ERLIN2: variants seen among roughly 807,000 people sequenced by gnomAD.
The protein encoded by ERLIN2 is ER lipid raft associated 2.
A neutral mutation model predicts 41.5 loss-of-function variants in ERLIN2; 22 were observed. The observed-to-expected ratio is 0.53, with a 90% CI of 0.38 to 0.76. The LOEUF (loss-of-function observed/expected upper bound fraction) is 0.76. Ranked by LOEUF, ERLIN2 falls within the 30% of genes least tolerant of loss-of-function variation. The probability of loss-of-function intolerance (pLI) is 0.00; values close to 1 mark genes in which losing one functional copy is unlikely to be tolerated. For missense variants in ERLIN2, 247 were observed against 414.3 expected (o/e 0.60, Z 3.51); for synonymous variants, 149 against 150.9 (o/e 0.99, Z 0.09).
rs966364485 is a variant in ERLIN2, at chr8:37,754,126, A to G, written c.*11A>G. On this transcript the variant is annotated 3_prime_UTR_variant, in exon 12 of 12. Coordinates refer to ENST00000519638, the MANE Select transcript of ERLIN2 (RefSeq NM_007175.8). ...ACTAAGGAGAATTGAAAAAAACTTG[A>G]TATGACTGCAAATGATACTTAAGCA... 6.3e-7 allele frequency: 1 copy of G among 1,577,116 alleles called. No individual in the cohort carries two copies. The highest frequency in any genetic ancestry group is 8.7e-7 in the Non-Finnish European group (1 of 1,146,528).
chr8:37,739,699 T>C (rs929702227), intron 2 of ERLIN2, among the ~76,000 whole-genome samples: 1 of 152,142 alleles, frequency 6.6e-6, no homozygotes, highest in Admixed American at 6.5e-5. Flanking sequence ...GGTCTTGAAC[T>C]CCTGACCTAA....
rs548026224 is a variant in ERLIN2 at position 37,745,478 on chromosome 8, T to C, written c.424+782T>C. ...TTATAACTTGTTTGCAGTCAAGTAT[T>C]CTGTTTAAACTCACTGCCAGAAATT... On this transcript the variant is annotated intron_variant, in intron 6 of 11. Transcript: ENST00000519638. The C allele has an allele frequency of 1.7e-5, 21 of 1,245,140 alleles. No homozygotes were observed. In the South Asian group the frequency reaches 2.6e-4, roughly 15 times the overall value. The allele number at this position is 1,245,140 out of a possible 1,614,324, so 77.1% of individuals were successfully genotyped here. A position where few individuals can be genotyped will look rare whatever the true frequency, so the allele number is the denominator to read the frequency against.
In ERLIN2 at chr8:37,756,322, T is replaced by G. The variant is rs1444755307; in HGVS notation, c.*2207T>G. ...TGCCCAGCATCCCACTTCCCGAAAA[T>G]GTCTACTCCTTCTACTCTGAGCTCT... On this transcript the variant is annotated 3_prime_UTR_variant, in exon 12 of 12. Coordinates refer to ENST00000519638, the MANE Select transcript of ERLIN2 (RefSeq NM_007175.8). 2 of 152,258 alleles carry G rather than the reference T, an allele frequency of 1.3e-5. No individual in the cohort carries two copies. Among genetic ancestry groups the G allele is most frequent in the African/African-American group, 4.8e-5 (2 of 41,424 alleles). The allele number at this position is 152,258 out of a possible 1,614,324, so 9.4% of individuals were successfully genotyped here. A position where few individuals can be genotyped will look rare whatever the true frequency, so the allele number is the denominator to read the frequency against.
intron 6 of ERLIN2, among the ~76,000 whole-genome samples, chr8:37,747,049 T>G (rs77587080): frequency 0.055 from 8,442 of 152,206 alleles, 785 homozygotes; most frequent in African/African-American, 0.19. Context: ...CTCAAGCACT[T>G]ATCTATTCAT....
chr8:37,737,833 G>A, intron 1 of ERLIN2, 75 bp from the exon 2 acceptor site: 2 of 1,587,228 alleles, frequency 1.3e-6, no homozygotes, highest in Non-Finnish European at 1.7e-6. Context: ...GCTCAGCTTG[G>A]TGAGGTCCTC....
rs996128976 is a variant in ERLIN2 at position 37,744,408 on chromosome 8, C to G, written c.290C>G (p.Pro97Arg). ...ATTGAAGTGGTGAACTTCCTGGTCC[C>G]GAACGCAGGTACGTCTTAACAGTTT... Reference protein sequence around the residue: ...DRIEVVNFLVPNAVYDIVKNY... With the variant: ...DRIEVVNFLVRNAVYDIVKNY... Residue 97 changes from proline (P) to arginine (R), a missense_variant, in exon 5 of 12, where the codon CCG becomes CGG. By Grantham distance (103) the Pro-to-Arg change is moderately radical. This residue lies in a region of ERLIN2 where 93 missense variants were observed against 139.0 expected (regional missense o/e 0.67). Coordinates refer to ENST00000519638, the MANE Select transcript of ERLIN2 (RefSeq NM_007175.8). 6.2e-7 allele frequency: 1 copy of G among 1,613,840 alleles called. No homozygotes were observed. The highest frequency in any genetic ancestry group is 2.2e-5 in the East Asian group (1 of 44,894).
At chr8:37,739,017 G>GTT (rs567836974) in intron 2 of ERLIN2, among the ~76,000 whole-genome samples, 4 of 150,274 alleles carry the variant, frequency 2.7e-5, no homozygotes, top group South Asian at 4.2e-4. Flanking sequence ...TATTTTATTG[G>GTT]TTTTTTTTTT....
At chr8:37,738,824 G>A (rs552241025) in intron 2 of ERLIN2, among the ~76,000 whole-genome samples, 1 of 152,294 alleles carries the variant, frequency 6.6e-6, no homozygotes, top group South Asian at 2.1e-4. Context: ...GTTTGAGGCT[G>A]CAGTGAGCTA....
At position 37,754,207 on chromosome 8, in the gene ERLIN2, T is replaced by C. The variant is rs1004892182; in HGVS notation, c.*92T>C. On this transcript the variant is annotated 3_prime_UTR_variant, in exon 12 of 12. Coordinates refer to ENST00000519638, the MANE Select transcript of ERLIN2 (RefSeq NM_007175.8). ...TTCCTCCCTCCCCGACTACCTTCTC[T>C]GACTGTCTTCCAGTTACTGTGGTGA... 5.4e-6 allele frequency: 5 copies of C among 930,338 alleles called. No homozygotes were observed. In the African/African-American group the frequency reaches 8.2e-5, roughly 15 times the overall value. The allele number at this position is 930,338 out of a possible 1,614,324, so 57.6% of individuals were successfully genotyped here.
At chr8:37,736,751 T>G (rs1334764441) in intron 1 of ERLIN2, 73 bp downstream of exon 1, 1 of 985,548 alleles carries the variant, frequency 1.0e-6, no homozygotes, top group Non-Finnish European at 1.2e-6. Context: ...ACCCGTCACT[T>G]TCGGGAACCT....
chr8:37,751,997 G>T (rs565110519), intron 10 of ERLIN2, among the ~76,000 whole-genome samples: 142 of 152,332 alleles, frequency 9.3e-4, no homozygotes, highest in African/African-American at 3.3e-3. Context: ...AAGTCCCGTA[G>T]ACCCTGCTTT....
At chr8:37,737,386 C>T (rs968563108) in intron 1 of ERLIN2, 1 of 189,184 alleles carries the variant, frequency 5.3e-6, no homozygotes, top group Non-Finnish European at 1.1e-5. Flanking sequence ...TACCTTGAAA[C>T]TCTGCTCGCC....
chr8:37,739,676 T>C (rs1264169268), intron 2 of ERLIN2, among the ~76,000 whole-genome samples: 2 of 152,118 alleles, frequency 1.3e-5, no homozygotes, highest in Non-Finnish European at 2.9e-5. Flanking sequence ...GGTTTCACCA[T>C]GTTGGCCAGG....
intron 4 of ERLIN2, 85 bp from the exon 5 acceptor site, chr8:37,744,270 C>G: frequency 8.6e-7 from 1 of 1,157,284 alleles, no homozygotes; most frequent in Admixed American, 1.7e-5. Flanking sequence ...TTCTGCCAAG[C>G]CCCACATCTT....
chr8:37,747,952 T>C lies in ERLIN2; in HGVS notation c.425-1607T>C, dbSNP rs528248193. The C allele has an allele frequency of 3.3e-5, 53 of 1,614,164 alleles. No homozygotes were observed. In the African/African-American group the frequency reaches 5.5e-4, roughly 17 times the overall value. ...GGGCTTCTCGCCGTCGTCATATTCC[T>C]CCCGGTCCCGAGTGTCAGAGCAGAC... On this transcript the variant is annotated intron_variant, in intron 6 of 11. Coordinates refer to ENST00000519638, the MANE Select transcript of ERLIN2 (RefSeq NM_007175.8).
chr8:37,746,956 CATA>C (rs1803071688), intron 6 of ERLIN2, among the ~76,000 whole-genome samples: 1 of 152,138 alleles, frequency 6.6e-6, no homozygotes, highest in South Asian at 2.1e-4. Flanking sequence ...TATGACGTAC[CATA>C]ATATTTTGTC....
intron 6 of ERLIN2, chr8:37,747,764 T>C (rs1265879872): frequency 5.0e-6 from 8 of 1,609,498 alleles, no homozygotes; most frequent in African/African-American, 1.3e-5. Context: ...CCTTCAGGTC[T>C]CCGCAGATAC....
chr8:37,753,765 T>C (rs1803287780), intron 11 of ERLIN2, 150 bp from the exon 12 acceptor site: 1 of 794,694 alleles, frequency 1.3e-6, no homozygotes, highest in Non-Finnish European at 2.1e-6. Flanking sequence ...TGCTCCAAGA[T>C]CTGAGATGAC....
At chr8:37,749,964 G>A in intron 8 of ERLIN2, 112 bp downstream of exon 8, 1 of 980,622 alleles carries the variant, frequency 1.0e-6, no homozygotes, top group South Asian at 1.3e-5. Flanking sequence ...CCTTGCTGGA[G>A]GATTTGCTAC....
Sources: allele counts gnomAD v4.1 joint callset (sites outside exome capture counted in the v4.1 genomes callset), GRCh38; gene constraint gnomAD v4.1.1; regional missense constraint gnomAD v4.1.1; transcripts MANE v1.5; gene names NCBI Gene and HGNC (gene_info 2026-07-23, HGNC 2026-07-21).